The following RHOT2 variants were observed in gnomAD, a reference collection of about 807,000 sequenced individuals.
The protein encoded by RHOT2 is ras homolog family member T2.
In RHOT2, 90 loss-of-function variants were observed where a neutral mutation model predicts 81.6. The ratio of observed to expected loss-of-function variants is 1.10; its 90% CI spans 0.93 to 1.31. RHOT2 has a LOEUF of 1.31. Among genes scored for constraint, RHOT2 ranks in the 40% most tolerant of loss-of-function variants. The pLI is 0.00. For missense variants in RHOT2, 1,014 were observed against 841.9 expected, an observed-to-expected ratio of 1.20 and a Z score of -2.53; for synonymous variants, 512 against 370.9, an observed-to-expected ratio of 1.38 and a Z score of -4.37.
chr16:673,250 G>A, intron 18 of RHOT2, 120 bp downstream of exon 18: 1 of 1,306,336 alleles, frequency 7.7e-7, no homozygotes, highest in Non-Finnish European at 1.1e-6. Flanking sequence ...GCAGTGGGCA[G>A]CAGTGGCGTC....
chr16:671,052 C>G (rs912818131), intron 10 of RHOT2, 31 bp from the exon 11 acceptor site: 9 of 1,608,540 alleles, frequency 5.6e-6, no homozygotes, highest in Non-Finnish European at 6.8e-6. Context: ...GGGGCTGTGC[C>G]TGGTGCTCCC....
In RHOT2 at chr16:673,789, G is replaced by C. The variant is rs1465025557; in HGVS notation, c.*183G>C. The C allele has an allele frequency of 7.7e-6, 6 of 776,848 alleles. No individual in the cohort carries two copies. The highest frequency in any genetic ancestry group is 1.2e-5 in the Non-Finnish European group (6 of 498,554). The allele number at this position is 776,848 out of a possible 1,614,324, so 48.1% of individuals were successfully genotyped here. On this transcript the variant is annotated 3_prime_UTR_variant, in exon 19 of 19. Transcript: ENST00000315082. ...CCTTATGCTGCCATGCACTGCCCTG[G>C]CTCCTGCCGGACCCCCAGGGTGGGC... is the stretch of plus-strand genomic sequence containing the variant.
rs2038641091 is a variant in RHOT2 at position 669,976 on chromosome 16, C to T, written c.277-147C>T. The T allele has an allele frequency of 5.7e-6, 4 of 707,610 alleles. No individual in the cohort carries two copies. The Admixed American group carries it at 9.0e-5, about 16-fold the overall frequency. The allele number at this position is 707,610 out of a possible 1,614,324, so 43.8% of individuals were successfully genotyped here. ...GGCTGCACCTGCTGCCTGCCTTCTCCCACCAGCTTTGTTCCTGTGGCCGGG... is the reference window on the plus strand; with the variant it reads ...GGCTGCACCTGCTGCCTGCCTTCTCTCACCAGCTTTGTTCCTGTGGCCGGG... On this transcript the variant is annotated intron_variant, in intron 5 of 18. Coordinates refer to ENST00000315082, the MANE Select transcript of RHOT2 (RefSeq NM_138769.3).
rs2039113310 is a variant in RHOT2 at position 672,380 on chromosome 16, T to G, written c.1322T>G (p.Leu441Arg). ...AFLQAFLGRG[L>R]GHQDTREQPP... Reference sequence around the variant, plus strand: ...CTGCAGGCCTTTCTCGGCCGCGGCCTGGGGGTAAGCACCCTAGACTCCCCC... The same window carrying G: ...CTGCAGGCCTTTCTCGGCCGCGGCCGGGGGGTAAGCACCCTAGACTCCCCC... Residue 441 changes from leucine (L) to arginine (R), a missense_variant, in exon 15 of 19, where the codon CTG becomes CGG. By Grantham distance (102) the Leu-to-Arg change is moderately radical (BLOSUM62 -2). Transcript: ENST00000315082. 6.2e-7 allele frequency: 1 copy of G among 1,609,764 alleles called. No homozygotes were observed. Among genetic ancestry groups the G allele is most frequent in the Non-Finnish European group, 8.5e-7 (1 of 1,178,190 alleles).
At position 671,009 on chromosome 16, in the gene RHOT2, G is replaced by GGGTGCCC; in HGVS notation, c.748+11_748+17dup. On this transcript the variant is annotated intron_variant, in intron 10 of 18. Transcript: ENST00000315082. ...CCGGCTGACCCTGGATGGTGAGGCC[G>GGGTGCCC]GGTGCCCGCCTGTGCCTGGGGAGTG... 1 of 1,597,364 alleles carries GGGTGCCC rather than the reference G, an allele frequency of 6.3e-7. No homozygotes were observed. The highest frequency in any genetic ancestry group is 2.2e-5 in the East Asian group (1 of 44,744).
At chr16:671,662 T>C (rs2038955551) in intron 11 of RHOT2, 35 bp from the exon 12 acceptor site, 1 of 1,598,286 alleles carries the variant, frequency 6.3e-7, no homozygotes, top group Non-Finnish European at 8.6e-7. Context: ...CTGCAGAGTC[T>C]CCTGGGAGCT....
Position 672,771 on chromosome 16 carries a change from G to A in RHOT2, c.1473G>A (p.Leu491=). The A allele has an allele frequency of 6.2e-7, 1 of 1,612,708 alleles. No individual in the cohort carries two copies. Residue 491 remains leucine, a synonymous_variant, in exon 17 of 19, where the codon TTG becomes TTA. Transcript: ENST00000315082. ...SLDATCDVAC[L]MFDGSDPKSF... is the part of the protein sequence containing the mutation. ...ACGCCACCTGTGACGTTGCCTGCTT[G>A]ATGTTTGATGGCAGTGACCCAAAGT...
intron 8 of RHOT2, 56 bp from the exon 9 acceptor site, chr16:670,619 G>C: frequency 1.2e-6 from 2 of 1,602,944 alleles, no homozygotes; most frequent in Non-Finnish European, 1.7e-6. Flanking sequence ...GCTGGGTGGG[G>C]CGGTGTGGCA....
In RHOT2 at chr16:672,158, A is replaced by G; in HGVS notation, c.1172A>G (p.Gln391Arg). ...CTGGGCTACCCCACCCTCTGTGAGC[A>G]GGACCAGGCCCATGCCATCACAGGT... Reference protein sequence around the residue: ...GYLGYPTLCEQDQAHAITVTR... With the variant: ...GYLGYPTLCERDQAHAITVTR... Residue 391 changes from glutamine to arginine, a missense_variant, in exon 14 of 19, where the codon CAG becomes CGG. Transcript: ENST00000315082. 2 of 1,612,562 alleles carry G rather than the reference A, an allele frequency of 1.2e-6. No individual in the cohort carries two copies. The highest frequency in any genetic ancestry group is 8.5e-7 in the Non-Finnish European group (1 of 1,179,912).
At position 670,574 on chromosome 16, in the gene RHOT2, G is replaced by T. The variant is rs1260255464; in HGVS notation, c.540+17G>T. ...GCCAAGCAGGTGAGCATCGGCTGGG[G>T]CCCCGCACGCTGGTTCCCCAGGGGC... On this transcript the variant is annotated intron_variant, in intron 8 of 18. Coordinates refer to ENST00000315082, the MANE Select transcript of RHOT2 (RefSeq NM_138769.3). 3 of 1,596,788 alleles carry T rather than the reference G, an allele frequency of 1.9e-6. No homozygotes were observed. The highest frequency in any genetic ancestry group is 1.7e-6 in the Non-Finnish European group (2 of 1,170,420).
In RHOT2 at chr16:673,020, C is replaced by G. The variant is rs374145652; in HGVS notation, c.1620C>G (p.Ala540=). 5.6e-6 allele frequency: 9 copies of G among 1,612,368 alleles called. No individual in the cohort carries two copies. Among genetic ancestry groups the G allele is most frequent in the Non-Finnish European group, 7.6e-6 (9 of 1,179,984 alleles). Reference sequence around the variant, plus strand: ...TCGCGGTGTCTGGCCCATCACCGGCCGAGTTTTGCCGCAAGCACCGGCTAC... The same window carrying G: ...TCGCGGTGTCTGGCCCATCACCGGCGGAGTTTTGCCGCAAGCACCGGCTAC... The part of the protein sequence containing the change: ...EGVAVSGPSP[A]EFCRKHRLPA... The change falls in exon 18 of 19, where the codon GCC becomes GCG. Residue 540 remains alanine (A), a synonymous_variant. Coordinates refer to ENST00000315082, the MANE Select transcript of RHOT2 (RefSeq NM_138769.3).
chr16:668,611 C>T (rs766789938), intron 3 of RHOT2, 42 bp downstream of exon 3: 7 of 1,609,352 alleles, frequency 4.3e-6, no homozygotes, highest in Non-Finnish European at 5.9e-6. Flanking sequence ...CGCAGCGGTC[C>T]GGCGGGCCTG....
chr16:671,062 C>T (rs201675733), intron 10 of RHOT2, 21 bp from the exon 11 acceptor site: 1 of 1,608,858 alleles, frequency 6.2e-7, no homozygotes, highest in South Asian at 1.1e-5. Context: ...CTGGTGCTCC[C>T]CCTGCTTTGT....
intron 17 of RHOT2, 43 bp from the exon 18 acceptor site, chr16:672,885 C>T (rs751618537): frequency 9.9e-6 from 16 of 1,612,368 alleles, no homozygotes; most frequent in Admixed American, 1.7e-5. Flanking sequence ...AGCTGTGCCT[C>T]GGCCACCCCA....
rs1248354475 is a variant in RHOT2, at chr16:673,450, G to A, written c.1731-30G>A. 8 of 1,612,358 alleles carry A rather than the reference G, an allele frequency of 5.0e-6. No individual in the cohort carries two copies. In the East Asian group the frequency reaches 1.3e-4, roughly 27 times the overall value. ...AGCAAGCTGGGGGCATGTGCCTGAG[G>A]TATCTGCAGATGATTCTTCTCTCTT... On this transcript the variant is annotated intron_variant, in intron 18 of 18. Transcript: ENST00000315082.
chr16:670,555 C>A lies in RHOT2; in HGVS notation c.538C>A (p.Gln180Lys). The A allele has an allele frequency of 7.5e-6, 12 of 1,603,410 alleles. No homozygotes were observed. Among genetic ancestry groups the A allele is most frequent in the Non-Finnish European group, 1.0e-5 (12 of 1,174,724 alleles). The change falls in exon 8 of 19, where the codon CAG (glutamine) becomes AAG (lysine). Residue 180 changes from glutamine (Q) to lysine (K), a missense_variant and splice_region_variant. Physicochemically the swap from Gln to Lys is moderately conservative, Grantham distance 53. Transcript: ENST00000315082. ...TAPLYDPEAK[Q>K]LRPACAQALT... ...CCCCCTCTATGACCCTGAGGCCAAG[C>A]AGGTGAGCATCGGCTGGGGCCCCGC...
rs2039073622 is a variant in RHOT2, at chr16:672,190, C to T, written c.1195+9C>T. 6.2e-7 allele frequency: 1 copy of T among 1,612,696 alleles called. No individual in the cohort carries two copies. Among genetic ancestry groups the T allele is most frequent in the South Asian group, 1.1e-5 (1 of 91,082 alleles). On this transcript the variant is annotated intron_variant, in intron 14 of 18. Transcript: ENST00000315082. The stretch of plus-strand genomic sequence containing the variant: ...GGCCCATGCCATCACAGGTAGGCAC[C>T]CACCCTCCCTGGGCCTGGGCCCAGT...
Position 673,010 on chromosome 16 carries a change from C to G in RHOT2, c.1610C>G (p.Pro537Arg), listed in dbSNP as rs571473801. ...CCCGAAGGTGTCGCGGTGTCTGGCC[C>G]ATCACCGGCCGAGTTTTGCCGCAAG... is the stretch of plus-strand genomic sequence containing the variant. Reference protein sequence around the residue: ...DLPEGVAVSGPSPAEFCRKHR... With the variant: ...DLPEGVAVSGRSPAEFCRKHR... The change falls in exon 18 of 19, where the codon CCA (proline) becomes CGA (arginine). Residue 537 changes from proline to arginine, a missense_variant. By Grantham distance (103) the Pro-to-Arg change is moderately radical. Transcript: ENST00000315082. 3.1e-6 allele frequency: 5 copies of G among 1,612,498 alleles called. No homozygotes were observed. The highest frequency in any genetic ancestry group is 2.2e-5 in the South Asian group (2 of 91,090).
At chr16:671,810 G>GCCCCTTCCCCCCCCCCCCC in intron 12 of RHOT2, 29 bp downstream of exon 12, 1 of 1,586,244 alleles carries the variant, frequency 6.3e-7, no homozygotes, top group South Asian at 1.1e-5. Flanking sequence ...CCCTGCCCCT[G>GCCCCTTCCCCCCCCCCCCC]CCCCCGCCCC....
Sources: allele counts gnomAD v4.1 joint callset, GRCh38; gene constraint gnomAD v4.1.1; transcripts MANE v1.5; gene names NCBI Gene and HGNC (gene_info 2026-07-23, HGNC 2026-07-21).